DLG2: variants seen among roughly 807,000 people sequenced by gnomAD.
DLG2 encodes the protein disks large homolog 2.
A neutral mutation model predicts 132.5 loss-of-function variants in DLG2; 45 were observed. The ratio of observed to expected loss-of-function variants is 0.34; its 90% CI spans 0.27 to 0.44. DLG2 has a LOEUF of 0.44. Among genes scored for constraint, DLG2 ranks in the 20% least tolerant of loss-of-function variants. The probability of loss-of-function intolerance (pLI) is 1.00; values close to 1 mark genes in which losing one functional copy is unlikely to be tolerated. For missense variants in DLG2, 1,045 were observed against 1,196.9 expected, an observed-to-expected ratio of 0.87 and a Z score of 1.87; for synonymous variants, 424 against 419.6, an observed-to-expected ratio of 1.01 and a Z score of -0.13.
chr11:84,500,958 T>A (rs917139041), intron 7 of DLG2, among the ~76,000 whole-genome samples: 1 of 152,158 alleles, frequency 6.6e-6, no homozygotes, highest in Non-Finnish European at 1.5e-5. Context: ...TTCTCACTTA[T>A]ATGAAAAAAA....
chr11:85,086,044 C>T (rs1460446491), intron 6 of DLG2, among the ~76,000 whole-genome samples: 3 of 152,062 alleles, frequency 2.0e-5, no homozygotes, highest in Non-Finnish European at 4.4e-5. Flanking sequence ...TGCAGTTGAC[C>T]TTAAGTGCCC....
chr11:84,645,035 T>C (rs536221477), intron 6 of DLG2, among the ~76,000 whole-genome samples: 1 of 152,238 alleles, frequency 6.6e-6, no homozygotes, highest in South Asian at 2.1e-4. Flanking sequence ...GTTAACAGCT[T>C]AGCATGGAAA....
At chr11:85,550,120 A>G (rs553181875) in intron 3 of DLG2, among the ~76,000 whole-genome samples, 43 of 152,282 alleles carry the variant, frequency 2.8e-4, no homozygotes, top group African/African-American at 9.9e-4. Flanking sequence ...CTTGCACAAG[A>G]TCTAATCAAT....
rs79963321 is a variant in DLG2, at chr11:83,821,792, T to C, written c.1722+11822A>G. ...CCACTTCTTCCACTTAATATACATG[T>C]ATATGAATTGCTAAATAAATCACCA... On this transcript the variant is annotated intron_variant, in intron 17 of 27. Transcript: ENST00000376104. Among the ~76,000 whole-genome samples the C allele has an allele frequency of 4.3e-4, 66 of 152,026 alleles. 1 individual carries two copies. In the East Asian group the frequency reaches 0.012, roughly 28 times the overall value.
chr11:84,431,949 C>G (rs926692991), intron 7 of DLG2, among the ~76,000 whole-genome samples: 120 of 152,180 alleles, frequency 7.9e-4, no homozygotes, highest in African/African-American at 2.8e-3. Flanking sequence ...ATGACAACTT[C>G]AAATCAATTA....
intron 7 of DLG2, among the ~76,000 whole-genome samples, chr11:84,307,626 G>A (rs1460545923): frequency 6.7e-6 from 1 of 148,628 alleles, no homozygotes; most frequent in Non-Finnish European, 1.5e-5. Context: ...AACCCGGGAA[G>A]CAGACCTTGC....
At chr11:85,048,618 T>C (rs1332279099) in intron 6 of DLG2, among the ~76,000 whole-genome samples, 3 of 152,132 alleles carry the variant, frequency 2.0e-5, no homozygotes, top group African/African-American at 7.2e-5. Context: ...TAAAACATTA[T>C]CCTATTATTT....
At chr11:83,862,896 T>C (rs978688158) in intron 16 of DLG2, among the ~76,000 whole-genome samples, 2 of 152,112 alleles carry the variant, frequency 1.3e-5, no homozygotes, top group African/African-American at 4.8e-5. Context: ...ATATGGTCTG[T>C]GCTTGGGAGA....
intron 3 of DLG2, among the ~76,000 whole-genome samples, chr11:85,468,569 A>T (rs1032549474): frequency 1.3e-5 from 2 of 152,130 alleles, no homozygotes; most frequent in Non-Finnish European, 2.9e-5. Context: ...TTCGTTATGT[A>T]CCCAGTAGTC....
intron 6 of DLG2, among the ~76,000 whole-genome samples, chr11:84,837,659 G>T (rs1279256658): frequency 6.6e-6 from 1 of 151,802 alleles, no homozygotes; most frequent in African/African-American, 2.4e-5. Flanking sequence ...AAGGAAGGTA[G>T]AACATTATCC....
chr11:85,562,706 T>C (rs918769225), intron 3 of DLG2, among the ~76,000 whole-genome samples: 3 of 151,730 alleles, frequency 2.0e-5, no homozygotes, highest in Non-Finnish European at 4.4e-5. Context: ...AAGTATTCCC[T>C]AAAGCCCGAT....
intron 10 of DLG2, among the ~76,000 whole-genome samples, chr11:84,069,340 C>T (rs1407657668): frequency 6.6e-6 from 1 of 152,196 alleles, no homozygotes; most frequent in Non-Finnish European, 1.5e-5. Context: ...AGCTCTGACT[C>T]CAAACCCAAC....
intron 3 of DLG2, among the ~76,000 whole-genome samples, chr11:85,395,056 TC>T (rs1254874903): frequency 6.6e-6 from 1 of 152,190 alleles, no homozygotes; most frequent in African/African-American, 2.4e-5. Flanking sequence ...CTGTAAGATC[TC>T]CCAGTGAAAC....
intron 7 of DLG2, among the ~76,000 whole-genome samples, chr11:84,420,903 C>A (rs2098948416): frequency 6.6e-6 from 1 of 151,822 alleles, no homozygotes; most frequent in Admixed American, 6.6e-5. Flanking sequence ...CTCCTGACCT[C>A]GTGATCTGCC....
intron 7 of DLG2, among the ~76,000 whole-genome samples, chr11:84,434,309 A>G (rs2098994018): frequency 6.6e-6 from 1 of 152,172 alleles, no homozygotes; most frequent in South Asian, 2.1e-4. Context: ...TGTAAACATT[A>G]TCACTTTGAA....
intron 16 of DLG2, among the ~76,000 whole-genome samples, chr11:83,847,544 G>GA (rs1270560768): frequency 6.6e-6 from 1 of 152,044 alleles, no homozygotes; most frequent in Non-Finnish European, 1.5e-5. Context: ...TATTATTGTA[G>GA]AAAAAACTTT....
At chr11:85,468,528 T>A (rs1421378666) in intron 3 of DLG2, among the ~76,000 whole-genome samples, 2 of 152,214 alleles carry the variant, frequency 1.3e-5, no homozygotes, top group Non-Finnish European at 2.9e-5. Context: ...TTCTCATTGG[T>A]TTCAAAGATC....
At chr11:85,318,652 G>C (rs1388428488) in intron 3 of DLG2, among the ~76,000 whole-genome samples, 1 of 151,718 alleles carries the variant, frequency 6.6e-6, no homozygotes, top group Non-Finnish European at 1.5e-5. Flanking sequence ...ATTAGAGAAG[G>C]AGGAATTAGG....
chr11:84,743,189 A>T (rs894052208), intron 6 of DLG2, among the ~76,000 whole-genome samples: 2 of 152,174 alleles, frequency 1.3e-5, no homozygotes, highest in African/African-American at 4.8e-5. Flanking sequence ...ATAGAACAAT[A>T]TCAAAACCAG....
Sources: gnomAD v4.1 joint callset for allele counts (sites outside exome capture counted in the v4.1 genomes callset) on GRCh38, gnomAD v4.1.1 for gene constraint, MANE v1.5 for transcripts, NCBI Gene and HGNC (gene_info 2026-07-23, HGNC 2026-07-21) for gene names.